Variants in RP1 observed in about 807,000 individuals in gnomAD.
The protein encoded by RP1 is RP1 axonemal microtubule associated, also known as oxygen-regulated protein 1.
RP1 carries 16 observed loss-of-function variants against 14.8 expected under a neutral mutation model. The observed-to-expected ratio is 1.08, with a 90% CI of 0.73 to 1.65. The LOEUF is 1.65. Among genes scored for constraint, RP1 ranks in the 40% most tolerant of loss-of-function variants. RP1 has a pLI of 0.00. For missense variants in RP1, 2,631 were observed against 2,535.0 expected (o/e 1.04, Z -0.81); for synonymous variants, 876 against 883.6 (o/e 0.99, Z 0.15).
chr8:54,636,662 C>T lies in RP1; in HGVS notation c.788-12323C>T, dbSNP rs145584847. ...CTGAGGCAGGAGAGTCTCTTGAACC[C>T]GGTAGGTGGAGGTAGCAGTGAGCTG... On this transcript the variant is annotated intron_variant, in intron 3 of 22. Coordinates refer to the RP1 transcript ENST00000636932. Among the ~76,000 whole-genome samples the T allele has an allele frequency of 2.8e-3, 428 of 152,180 alleles. 1 individual carries two copies. The highest frequency in any genetic ancestry group is 6.9e-3 in the Admixed American group (105 of 15,288).
chr8:54,776,184 TTTG>T (rs1229454174), intron 23 of RP1, among the ~76,000 whole-genome samples: 2 of 152,080 alleles, frequency 1.3e-5, no homozygotes, highest in Non-Finnish European at 2.9e-5. Context: ...ATTGTGCCAT[TTTG>T]TTGTTGTTTT....
intron 24 of RP1, among the ~76,000 whole-genome samples, chr8:54,789,752 C>T (rs1279606765): frequency 6.6e-6 from 1 of 152,210 alleles, no homozygotes; most frequent in Non-Finnish European, 1.5e-5. Context: ...AACTGCAGGG[C>T]ACAATCTACA....
At chr8:54,859,218 C>A (rs1367647835) in intron 27 of RP1, among the ~76,000 whole-genome samples, 1 of 150,918 alleles carries the variant, frequency 6.6e-6, no homozygotes, top group Non-Finnish European at 1.5e-5. Flanking sequence ...TGGAGCAGCA[C>A]TGTCACTGTA....
intron 24 of RP1, among the ~76,000 whole-genome samples, chr8:54,803,800 T>C (rs2129390084): frequency 6.6e-6 from 1 of 152,322 alleles, no homozygotes. Flanking sequence ...CCGGGCACAA[T>C]GGCTCATGCC....
chr8:54,793,175 G>A (rs1326178304), intron 24 of RP1, among the ~76,000 whole-genome samples: 1 of 151,820 alleles, frequency 6.6e-6, no homozygotes, highest in African/African-American at 2.4e-5. Flanking sequence ...AATGAGTAAG[G>A]AGATTGAATC....
intron 19 of RP1, among the ~76,000 whole-genome samples, chr8:54,746,781 C>G (rs1809234271): frequency 6.6e-6 from 1 of 152,072 alleles, no homozygotes; most frequent in Non-Finnish European, 1.5e-5. Flanking sequence ...ATCACTTTTT[C>G]TCTAGGTTTT....
intron 1 of RP1, among the ~76,000 whole-genome samples, chr8:54,582,438 A>G (rs1173177511): frequency 1.3e-5 from 2 of 151,280 alleles, no homozygotes; most frequent in Admixed American, 6.6e-5. Context: ...AGGTAGTGTG[A>G]TGCCTCCAGC....
chr8:54,792,403 A>C (rs1472679056), intron 24 of RP1, among the ~76,000 whole-genome samples: 2 of 151,960 alleles, frequency 1.3e-5, no homozygotes, highest in African/African-American at 4.8e-5. Context: ...CAACAACAGA[A>C]TACATACTAT....
intron 28 of RP1, among the ~76,000 whole-genome samples, chr8:54,867,365 G>C (rs1299185425): frequency 6.6e-6 from 1 of 152,136 alleles, no homozygotes; most frequent in Non-Finnish European, 1.5e-5. Flanking sequence ...GCCATTTTAT[G>C]AAATTCAAGC....
intron 2 of RP1, among the ~76,000 whole-genome samples, 191 bp downstream of exon 2, chr8:54,621,772 C>G (rs1184973632): frequency 6.6e-6 from 1 of 152,180 alleles, no homozygotes; most frequent in Non-Finnish European, 1.5e-5. Context: ...ATCTTTCCCT[C>G]ATGCTACCTA....
intron 6 of RP1, among the ~76,000 whole-genome samples, chr8:54,661,289 A>AAATGATATATGTATGATATATC (rs1806889585): frequency 7.5e-6 from 1 of 132,662 alleles, no homozygotes; most frequent in Non-Finnish European, 1.6e-5. Flanking sequence ...TATGATATAT[A>AAATGATATATGTATGATATATC]AATGATATAT....
intron 24 of RP1, among the ~76,000 whole-genome samples, chr8:54,795,072 T>C (rs1448248300): frequency 6.6e-6 from 1 of 151,958 alleles, no homozygotes; most frequent in Non-Finnish European, 1.5e-5. Context: ...ATGGCTATCA[T>C]CAAAAAAACA....
In RP1 at chr8:54,747,333, T is replaced by G. The variant is rs145381837; in HGVS notation, c.2809-7470T>G. Among the ~76,000 whole-genome samples, 80 of 152,320 alleles carry G rather than the reference T, an allele frequency of 5.3e-4. 1 individual carries two copies. Among genetic ancestry groups the G allele is most frequent in the African/African-American group, 1.9e-3 (78 of 41,566 alleles). On this transcript the variant is annotated intron_variant, in intron 19 of 22. Coordinates refer to the RP1 transcript ENST00000636932. ...CACTGGTCTTCTCCTGCTTTAGAGG[T>G]CCTTTGCTATACAATCTAAAGGGAG...
chr8:54,653,113 C>T lies in RP1; in HGVS notation c.1038+247C>T, dbSNP rs75557872. Among the ~76,000 whole-genome samples the T allele has an allele frequency of 1.5e-3, 226 of 152,246 alleles. 2 individuals carry two copies. The highest frequency in any genetic ancestry group is 6.8e-3 in the Middle Eastern group (2 of 294). On this transcript the variant is annotated intron_variant, in intron 5 of 22. Transcript: ENST00000636932. ...AAAAACGCCTGGGACTCTGGATAAA[C>T]TCATATAGCTTCTTGATATAGTTGC...
chr8:54,586,111 T>C (rs929234387), intron 1 of RP1, among the ~76,000 whole-genome samples: 45 of 152,310 alleles, frequency 3.0e-4, no homozygotes, highest in Non-Finnish European at 5.3e-4. Flanking sequence ...CTCTGTTTTT[T>C]CCCCATCTTT....
intron 24 of RP1, among the ~76,000 whole-genome samples, chr8:54,793,478 C>T (rs777276193): frequency 4.6e-5 from 7 of 151,792 alleles, no homozygotes; most frequent in African/African-American, 1.7e-4. Flanking sequence ...TATCATTTAG[C>T]GTAATCAAGT....
At chr8:54,760,288 A>G (rs1044503852) in intron 22 of RP1, among the ~76,000 whole-genome samples, 1 of 152,152 alleles carries the variant, frequency 6.6e-6, no homozygotes, top group Non-Finnish European at 1.5e-5. Flanking sequence ...GTTCATCAAG[A>G]CTAGCTCATC....
chr8:54,819,796 C>T (rs1432301495), intron 24 of RP1, among the ~76,000 whole-genome samples: 1 of 152,126 alleles, frequency 6.6e-6, no homozygotes, highest in African/African-American at 2.4e-5. Context: ...GGCAGAGTCT[C>T]TCATTGTATT....
At chr8:54,633,727 C>G (rs1316086485), downstream of RP1, among the ~76,000 whole-genome samples, 1 of 135,938 alleles carries the variant, frequency 7.4e-6, no homozygotes, top group South Asian at 2.5e-4. Context: ...CTCTCTCTCT[C>G]TCTCTCTCTC....
Sources: gnomAD v4.1 joint callset for allele counts (sites outside exome capture counted in the v4.1 genomes callset) on GRCh38, gnomAD v4.1.1 for gene constraint, MANE v1.5 for transcripts, NCBI Gene and HGNC (gene_info 2026-07-23, HGNC 2026-07-21) for gene names.